Variants in STARD13 observed in about 807,000 individuals in gnomAD.
STARD13 encodes stAR-related lipid transfer protein 13.
In STARD13, 62 loss-of-function variants were observed where a neutral mutation model predicts 106.4. The ratio of observed to expected loss-of-function variants is 0.58; its 90% CI spans 0.48 to 0.72. STARD13 has a LOEUF of 0.72. Ranked by LOEUF, STARD13 falls within the 30% of genes least tolerant of loss-of-function variation. The pLI, the probability that STARD13 is intolerant of heterozygous loss-of-function variation, is 0.00. For missense variants in STARD13, 1,387 were observed against 1,424.0 expected (o/e 0.97, Z 0.42); for synonymous variants, 565 against 553.0 (o/e 1.02, Z -0.31).
the STARD13 span, among the ~76,000 whole-genome samples, chr13:33,436,510 AAAAT>A: frequency 6.6e-6 from 1 of 152,240 alleles, no homozygotes; most frequent in Non-Finnish European, 1.5e-5. Flanking sequence ...TTACTCTTCA[AAAAT>A]AAATTAATTT....
the STARD13 span, among the ~76,000 whole-genome samples, chr13:33,355,817 C>G: frequency 1.3e-5 from 2 of 152,140 alleles, no homozygotes; most frequent in African/African-American, 4.8e-5. Flanking sequence ...TCTGTGTGTC[C>G]CATTGCCATG....
intron 1 of STARD13, among the ~76,000 whole-genome samples, chr13:33,261,427 C>G (rs1311405709): frequency 2.0e-5 from 3 of 152,156 alleles, no homozygotes; most frequent in African/African-American, 7.2e-5. Context: ...CAGAAATAAG[C>G]CAGCGCTCCT....
At chr13:33,289,652 C>T (rs1892209455), upstream of STARD13, among the ~76,000 whole-genome samples, 1 of 152,152 alleles carries the variant, frequency 6.6e-6, no homozygotes, top group Admixed American at 6.6e-5. Context: ...GCCTGAAAAT[C>T]ATCCTAATCC....
chr13:33,660,126 G>T, the STARD13 span, among the ~76,000 whole-genome samples: 9 of 152,258 alleles, frequency 5.9e-5, no homozygotes, highest in South Asian at 1.0e-3. Flanking sequence ...CTCTGCTCAC[G>T]AGGGCCTTCC....
intron 3 of STARD13, among the ~76,000 whole-genome samples, chr13:33,146,748 G>T (rs184874172): frequency 6.6e-6 from 1 of 152,252 alleles, no homozygotes; most frequent in African/African-American, 2.4e-5. Flanking sequence ...AATTGATATG[G>T]GCTTCCAACA....
the STARD13 span, among the ~76,000 whole-genome samples, chr13:33,512,968 A>G: frequency 1.3e-5 from 2 of 152,134 alleles, no homozygotes; most frequent in African/African-American, 2.4e-5. Flanking sequence ...AAGCCACCCA[A>G]TGTGTGGTAC....
chr13:33,644,594 C>T, the STARD13 span, among the ~76,000 whole-genome samples: 2 of 152,040 alleles, frequency 1.3e-5, no homozygotes, highest in African/African-American at 4.8e-5. Flanking sequence ...GTTGAAGAGG[C>T]GTCATGCGGC....
At chr13:33,401,691 C>G in the STARD13 span, among the ~76,000 whole-genome samples, 9 of 152,202 alleles carry the variant, frequency 5.9e-5, no homozygotes, top group African/African-American at 1.9e-4. Context: ...TCCATTTTCT[C>G]TCTCAGACAT....
At chr13:33,115,356 C>G (rs1363233458) in intron 8 of STARD13, among the ~76,000 whole-genome samples, 1 of 152,148 alleles carries the variant, frequency 6.6e-6, no homozygotes, top group East Asian at 1.9e-4. Context: ...GCTGGAAGTC[C>G]CTGCAGGTAA....
At chr13:33,147,790 T>A (rs1880747190) in intron 3 of STARD13, among the ~76,000 whole-genome samples, 1 of 152,138 alleles carries the variant, frequency 6.6e-6, no homozygotes, top group African/African-American at 2.4e-5. Flanking sequence ...GGGGCAAAAC[T>A]GGAGGACTGA....
intron 1 of STARD13, among the ~76,000 whole-genome samples, chr13:33,268,353 G>A (rs1891003295): frequency 6.6e-6 from 1 of 152,064 alleles, no homozygotes; most frequent in Non-Finnish European, 1.5e-5. Flanking sequence ...TCTAAGCTCG[G>A]GTATTTTCAT....
the STARD13 span, among the ~76,000 whole-genome samples, chr13:33,597,910 A>G: frequency 6.6e-6 from 1 of 152,230 alleles, no homozygotes; most frequent in East Asian, 1.9e-4. Context: ...CTAATTAGGC[A>G]GAAGTTGGAT....
intron 1 of STARD13, among the ~76,000 whole-genome samples, chr13:33,228,405 TA>T (rs1363048597): frequency 1.3e-5 from 2 of 152,078 alleles, no homozygotes; most frequent in African/African-American, 4.8e-5. Flanking sequence ...AAATCATTGA[TA>T]AAAAATGAAT....
rs139297532 is a variant in STARD13, at chr13:33,327,829, A to G, written c.124+22461T>C. ...GCTCTTTAAAATAGTTAAGTTTTTCATGGTCAAACCTGATGAAAAGAAGGT... is the reference window on the plus strand; with the variant it reads ...GCTCTTTAAAATAGTTAAGTTTTTCGTGGTCAAACCTGATGAAAAGAAGGT... On this transcript the variant is annotated intron_variant, in intron 1 of 5. Coordinates refer to the STARD13 transcript ENST00000567873. Among the ~76,000 whole-genome samples, 524 of 152,308 alleles carry G rather than the reference A, an allele frequency of 3.4e-3. 3 individuals are homozygous for G. Among genetic ancestry groups the G allele is most frequent in the African/African-American group, 0.012 (506 of 41,566 alleles).
chr13:33,332,373 C>A lies in STARD13; in HGVS notation c.124+17917G>T, dbSNP rs1035901898. On this transcript the variant is annotated intron_variant, in intron 1 of 5. Coordinates refer to the STARD13 transcript ENST00000567873. Reference sequence around the variant, plus strand: ...CAAATTTCATATGTTGAAGTCCCAACCCCCAGTTTGATGGTATTGGGAGAT... The same window carrying A: ...CAAATTTCATATGTTGAAGTCCCAAACCCCAGTTTGATGGTATTGGGAGAT... 1.3e-5 allele frequency among the ~76,000 whole-genome samples: 2 copies of A among 152,156 alleles called. 1 individual carries two copies. The highest frequency in any genetic ancestry group is 4.2e-4 in the South Asian group (2 of 4,818).
intron 1 of STARD13, among the ~76,000 whole-genome samples, chr13:33,274,881 C>G (rs189110243): frequency 6.6e-6 from 1 of 152,134 alleles, no homozygotes; most frequent in Non-Finnish European, 1.5e-5. Flanking sequence ...CATTCCCACC[C>G]GCTTACCCCC....
chr13:33,547,537 A>G, the STARD13 span, among the ~76,000 whole-genome samples: 1 of 152,222 alleles, frequency 6.6e-6, no homozygotes, highest in Non-Finnish European at 1.5e-5. Context: ...GCAAGTATGT[A>G]TAGATAATTT....
the STARD13 span, among the ~76,000 whole-genome samples, chr13:33,391,598 C>A: frequency 1.3e-5 from 2 of 152,040 alleles, no homozygotes; most frequent in Non-Finnish European, 2.9e-5. Flanking sequence ...TTATAAATGA[C>A]CGTTAGGTGG....
chr13:33,344,612 T>A (rs2077999194), downstream of STARD13, among the ~76,000 whole-genome samples: 1 of 152,252 alleles, frequency 6.6e-6, no homozygotes, highest in African/African-American at 2.4e-5. Flanking sequence ...TGAGAATGAA[T>A]GAACCTGTTT....
Sources: allele counts gnomAD v4.1 joint callset (sites outside exome capture counted in the v4.1 genomes callset), GRCh38; gene constraint gnomAD v4.1.1; transcripts MANE v1.5; gene names NCBI Gene and HGNC (gene_info 2026-07-23, HGNC 2026-07-21).